NFIA: variants seen among roughly 807,000 people sequenced by gnomAD.
The protein encoded by NFIA is nuclear factor 1 A-type.
NFIA carries 8 observed loss-of-function variants against 62.8 expected under a neutral mutation model. The observed-to-expected ratio is 0.13, with a 90% CI of 0.07 to 0.23. The LOEUF is 0.23. Among genes scored for constraint, NFIA ranks in the 10% least tolerant of loss-of-function variants. NFIA has a pLI of 1.00. For missense variants in NFIA, 410 were observed against 642.1 expected, an observed-to-expected ratio of 0.64 and a Z score of 3.91; for synonymous variants, 235 against 238.1, an observed-to-expected ratio of 0.99 and a Z score of 0.12.
intron 10 of NFIA, among the ~76,000 whole-genome samples, chr1:61,448,576 A>G (rs1243946279): frequency 6.6e-6 from 1 of 152,126 alleles, no homozygotes; most frequent in African/African-American, 2.4e-5. Context: ...TGTTACCTCC[A>G]TTTCATGGAG....
At chr1:61,223,477 T>C (rs575216620) in intron 2 of NFIA, among the ~76,000 whole-genome samples, 1 of 152,054 alleles carries the variant, frequency 6.6e-6, no homozygotes, top group Non-Finnish European at 1.5e-5. Flanking sequence ...ACTTACAGTT[T>C]TTCAGGTTTC....
intron 10 of NFIA, among the ~76,000 whole-genome samples, chr1:61,447,323 T>C (rs1169700678): frequency 6.6e-6 from 1 of 152,222 alleles, no homozygotes; most frequent in Non-Finnish European, 1.5e-5. Context: ...GTTTGTCCCA[T>C]TTCAGGGCAT....
At chr1:61,129,200 G>A (rs185989425) in intron 2 of NFIA, among the ~76,000 whole-genome samples, 3 of 152,006 alleles carry the variant, frequency 2.0e-5, no homozygotes, top group Non-Finnish European at 4.4e-5. Context: ...GGGATTACAG[G>A]TGTGAGCCAC....
chr1:61,330,147 T>C (rs1000543584), intron 3 of NFIA, among the ~76,000 whole-genome samples: 1 of 152,174 alleles, frequency 6.6e-6, no homozygotes, highest in African/African-American at 2.4e-5. Flanking sequence ...CGCATGTTGG[T>C]TCTAAGAATA....
chr1:61,140,965 GTTTTTTTTT>G (rs35173386), intron 2 of NFIA, among the ~76,000 whole-genome samples: 1 of 88,598 alleles, frequency 1.1e-5, no homozygotes, highest in Non-Finnish European at 2.1e-5. Flanking sequence ...CCACAGCTGG[GTTTTTTTTT>G]TTTTTTTTTT....
At chr1:61,280,610 G>A (rs1259010673) in intron 3 of NFIA, among the ~76,000 whole-genome samples, 1 of 152,074 alleles carries the variant, frequency 6.6e-6, no homozygotes, top group Non-Finnish European at 1.5e-5. Context: ...CCGTAAACTG[G>A]GCCATGTAAC....
At chr1:61,212,171 T>C (rs1423397322) in intron 2 of NFIA, among the ~76,000 whole-genome samples, 5 of 152,164 alleles carry the variant, frequency 3.3e-5, no homozygotes, top group Admixed American at 3.3e-4. Flanking sequence ...AGCAAGGAAC[T>C]TTCAGTGCTT....
At chr1:61,077,506 C>T (rs1274052802), upstream of NFIA, 2 of 915,580 alleles carry the variant, frequency 2.2e-6, no homozygotes, top group African/African-American at 1.7e-5. Context: ...AAATCTCTTC[C>T]GGGTTTTCAA....
chr1:61,205,479 G>T (rs1652833373), intron 2 of NFIA, among the ~76,000 whole-genome samples: 1 of 152,146 alleles, frequency 6.6e-6, no homozygotes, highest in Non-Finnish European at 1.5e-5. Flanking sequence ...AGCAAATCTG[G>T]TGCTCCTGGC....
intron 2 of NFIA, among the ~76,000 whole-genome samples, chr1:61,262,456 T>G (rs1656823659): frequency 6.6e-6 from 1 of 152,234 alleles, no homozygotes; most frequent in Non-Finnish European, 1.5e-5. Context: ...AAACATGTCC[T>G]TAACAGTACC....
intron 2 of NFIA, among the ~76,000 whole-genome samples, chr1:61,238,700 G>C (rs1290494685): frequency 1.3e-5 from 2 of 152,132 alleles, no homozygotes; most frequent in Non-Finnish European, 2.9e-5. Flanking sequence ...TGTCTTTTCT[G>C]GTGCTTTTCC....
At chr1:61,082,107 G>C, upstream of NFIA, 2 of 1,419,564 alleles carry the variant, frequency 1.4e-6, no homozygotes, top group Non-Finnish European at 1.9e-6. Context: ...AGTTTTGTTT[G>C]CTTAAGCACA....
intron 1 of NFIA, among the ~76,000 whole-genome samples, chr1:61,084,311 G>A (rs564407112): frequency 1.3e-5 from 2 of 152,198 alleles, no homozygotes; most frequent in East Asian, 3.9e-4. Flanking sequence ...TAATAATACC[G>A]GGTATTTGAT....
chr1:61,194,115 G>A (rs544374831), intron 2 of NFIA, among the ~76,000 whole-genome samples: 32 of 152,194 alleles, frequency 2.1e-4, no homozygotes, highest in Admixed American at 3.9e-4. Flanking sequence ...AGTGTCAGGC[G>A]GAGACCTAGG....
At chr1:61,240,845 A>G (rs1655307417) in intron 2 of NFIA, among the ~76,000 whole-genome samples, 1 of 152,116 alleles carries the variant, frequency 6.6e-6, no homozygotes. Flanking sequence ...TTTTTTATTG[A>G]GTTAGAAATG....
chr1:61,398,491 C>T (rs945359297), intron 7 of NFIA, among the ~76,000 whole-genome samples: 15 of 152,112 alleles, frequency 9.9e-5, no homozygotes, highest in East Asian at 1.9e-4. Flanking sequence ...GGAAACTAAC[C>T]GTGGCATAAA....
At chr1:61,309,498 A>AG (rs1413089867) in intron 3 of NFIA, among the ~76,000 whole-genome samples, 4 of 151,858 alleles carry the variant, frequency 2.6e-5, no homozygotes, top group Non-Finnish European at 5.9e-5. Context: ...CAACAAAAAA[A>AG]AAAACACAAA....
chr1:61,282,173 C>A (rs556201222), intron 3 of NFIA, among the ~76,000 whole-genome samples: 14 of 152,154 alleles, frequency 9.2e-5, no homozygotes, highest in African/African-American at 3.4e-4. Flanking sequence ...CCTTCCTGCC[C>A]GCCCCCACCC....
chr1:61,112,086 G>C (rs985958660), intron 2 of NFIA, among the ~76,000 whole-genome samples: 2 of 150,672 alleles, frequency 1.3e-5, no homozygotes, highest in South Asian at 4.2e-4. Context: ...ACAAAGAATT[G>C]TCTAAGAAGC....
Sources: allele counts gnomAD v4.1 joint callset (sites outside exome capture counted in the v4.1 genomes callset), GRCh38; gene constraint gnomAD v4.1.1; transcripts MANE v1.5; gene names NCBI Gene and HGNC (gene_info 2026-07-23, HGNC 2026-07-21).